Variants in AKAP6 observed in about 807,000 individuals in gnomAD.
AKAP6 encodes the protein A-kinase anchor protein 6.
In AKAP6, 58 loss-of-function variants were observed where a neutral mutation model predicts 188.5. That is an observed-to-expected ratio of 0.31 (90% CI 0.25 to 0.38). The LOEUF (loss-of-function observed/expected upper bound fraction) is 0.38. Ranked by LOEUF, AKAP6 falls within the 10% of genes least tolerant of loss-of-function variation. The pLI is 1.00. For synonymous variants in AKAP6, 989 were observed against 998.6 expected (o/e 0.99, Z 0.18); for missense variants, 2,710 against 2,740.0 (o/e 0.99, Z 0.24).
At chr14:32,484,841 G>A in intron 2 of AKAP6, 1 of 220,082 alleles carries the variant, frequency 4.5e-6, no homozygotes, top group Non-Finnish European at 6.6e-6. Context: ...GCATTGGACT[G>A]TAAATCTAAA....
At chr14:32,638,175 AG>A (rs71432071) in intron 7 of AKAP6, among the ~76,000 whole-genome samples, 34,935 of 151,898 alleles carry the variant, frequency 0.23, 4,432 homozygotes, top group African/African-American at 0.3. Flanking sequence ...GGGGATGTCA[AG>A]GGGGAATATG....
At chr14:32,512,941 A>T (rs936894236) in intron 2 of AKAP6, among the ~76,000 whole-genome samples, 10 of 152,238 alleles carry the variant, frequency 6.6e-5, no homozygotes, top group African/African-American at 2.4e-4. Context: ...AGCAAAAATT[A>T]TATGTTGCAA....
intron 2 of AKAP6, among the ~76,000 whole-genome samples, chr14:32,454,951 C>T (rs1482720741): frequency 7.3e-6 from 1 of 137,448 alleles, no homozygotes; most frequent in African/African-American, 2.9e-5. Flanking sequence ...TTCCTCTCTT[C>T]CTCTGTTTCT....
intron 4 of AKAP6, among the ~76,000 whole-genome samples, chr14:32,569,020 C>T (rs188632595): frequency 6.6e-6 from 1 of 152,310 alleles, no homozygotes; most frequent in East Asian, 1.9e-4. Flanking sequence ...CCTTTCCCAT[C>T]ATAAGAGTTA....
intron 2 of AKAP6, among the ~76,000 whole-genome samples, chr14:32,531,222 T>G (rs1198074136): frequency 6.6e-6 from 1 of 152,218 alleles, no homozygotes; most frequent in Admixed American, 6.5e-5. Flanking sequence ...GAAAAAAATC[T>G]TATGCAACTT....
At chr14:32,616,186 C>T (rs932034774) in intron 7 of AKAP6, among the ~76,000 whole-genome samples, 3 of 152,078 alleles carry the variant, frequency 2.0e-5, no homozygotes, top group Admixed American at 6.6e-5. Flanking sequence ...TTGTGGAAAG[C>T]GGTGTAGGGA....
rs576916409 is a variant in AKAP6 at position 32,520,062 on chromosome 14, A to G, written c.325-15492A>G. Among the ~76,000 whole-genome samples, 5 of 152,358 alleles carry G rather than the reference A, an allele frequency of 3.3e-5. No homozygotes were observed. The South Asian group carries it at 6.2e-4, about 19-fold the overall frequency. ...GAAACTCACTCAAAACTGCTCAACT[A>G]CATGGAAACTGAATAACCTGCTCCT... On this transcript the variant is annotated intron_variant, in intron 2 of 13. Coordinates refer to ENST00000280979, the MANE Select transcript of AKAP6 (RefSeq NM_004274.5).
chr14:32,757,973 G>A (rs2032401657), intron 11 of AKAP6, among the ~76,000 whole-genome samples: 2 of 152,176 alleles, frequency 1.3e-5, no homozygotes, highest in Non-Finnish European at 2.9e-5. Context: ...TTCCTGTGTT[G>A]TTTTGTGTGC....
intron 2 of AKAP6, among the ~76,000 whole-genome samples, chr14:32,469,441 T>G (rs1878646130): frequency 6.6e-6 from 1 of 152,238 alleles, no homozygotes; most frequent in East Asian, 1.9e-4. Flanking sequence ...CGTTTCTTGG[T>G]AGTAGAAAAC....
intron 9 of AKAP6, among the ~76,000 whole-genome samples, chr14:32,729,338 A>C (rs1487591407): frequency 3.3e-5 from 5 of 152,048 alleles, no homozygotes; most frequent in Non-Finnish European, 7.4e-5. Context: ...CAAAAAAGTT[A>C]TCTCAATCAA....
chr14:32,371,647 G>C (rs551068472), intron 1 of AKAP6, among the ~76,000 whole-genome samples: 1 of 152,292 alleles, frequency 6.6e-6, no homozygotes, highest in East Asian at 1.9e-4. Flanking sequence ...TTGGTCTGCA[G>C]TAGAGGGAAA....
At chr14:32,602,179 G>A (rs937145347) in intron 7 of AKAP6, among the ~76,000 whole-genome samples, 2 of 152,116 alleles carry the variant, frequency 1.3e-5, no homozygotes, top group African/African-American at 4.8e-5. Flanking sequence ...AAGTTCACTG[G>A]GCTAATGCTT....
rs1888536248 is a variant in AKAP6, at chr14:32,386,303, CA to C, written c.-34-47156del. Among the ~76,000 whole-genome samples the C allele has an allele frequency of 2.0e-5, 3 of 152,138 alleles. No individual in the cohort carries two copies. The South Asian group carries it at 6.2e-4, about 32-fold the overall frequency. Reference sequence around the variant, plus strand: ...TATTTTTAAATTATGGCCATTCTAGCAGGAGTAAAGTGGTAACGCATTGTGG... The same window carrying C: ...TATTTTTAAATTATGGCCATTCTAGCGGAGTAAAGTGGTAACGCATTGTGG... On this transcript the variant is annotated intron_variant, in intron 1 of 13. Transcript: ENST00000280979.
chr14:32,782,805 C>T lies in AKAP6; in HGVS notation c.3588+8912C>T, dbSNP rs151256113. On this transcript the variant is annotated intron_variant, in intron 12 of 13. Transcript: ENST00000280979. ...TACTGAATTCATGGATCAGAGGATA[C>T]AATATTAAGATATCAAATCTCCCCA... Among the ~76,000 whole-genome samples the T allele has an allele frequency of 3.3e-5, 5 of 150,580 alleles. No individual in the cohort carries two copies. The East Asian group carries it at 7.8e-4, about 23-fold the overall frequency.
chr14:32,810,087 C>T (rs1242821183), intron 12 of AKAP6, among the ~76,000 whole-genome samples: 1 of 152,204 alleles, frequency 6.6e-6, no homozygotes, highest in Non-Finnish European at 1.5e-5. Flanking sequence ...AGGTAATCAA[C>T]TCCACTAGCA....
At chr14:32,463,562 G>C (rs2138832458) in intron 2 of AKAP6, among the ~76,000 whole-genome samples, 1 of 152,292 alleles carries the variant, frequency 6.6e-6, no homozygotes. Flanking sequence ...TGAGAACAAA[G>C]AGACAGTGTA....
At chr14:32,400,762 G>T (rs1889061776) in intron 1 of AKAP6, among the ~76,000 whole-genome samples, 1 of 152,038 alleles carries the variant, frequency 6.6e-6, no homozygotes, top group South Asian at 2.1e-4. Flanking sequence ...GAATCTCCTG[G>T]AATTCTTATT....
chr14:32,413,345 G>GA (rs1889555204), intron 1 of AKAP6, among the ~76,000 whole-genome samples: 1 of 151,746 alleles, frequency 6.6e-6, no homozygotes, highest in Admixed American at 6.6e-5. Flanking sequence ...ACCACACCTG[G>GA]CTATTTTTTA....
chr14:32,615,649 G>A (rs1339319153), intron 7 of AKAP6, among the ~76,000 whole-genome samples: 2 of 137,940 alleles, frequency 1.4e-5, no homozygotes, highest in Non-Finnish European at 3.0e-5. Context: ...AGGCTGGAGT[G>A]CAGTGGCACG....
Sources: gnomAD v4.1 joint callset for allele counts (sites outside exome capture counted in the v4.1 genomes callset) on GRCh38, gnomAD v4.1.1 for gene constraint, MANE v1.5 for transcripts, NCBI Gene and HGNC (gene_info 2026-07-23, HGNC 2026-07-21) for gene names.